The following ARHGAP32 variants were observed in gnomAD, a reference collection of about 807,000 sequenced individuals.
ARHGAP32 encodes Rho GTPase activating protein 32, also known as rho GTPase-activating protein 32.
ARHGAP32 carries 51 observed loss-of-function variants against 186.5 expected under a neutral mutation model. That is an observed-to-expected ratio of 0.27 (90% CI 0.22 to 0.35). The LOEUF (loss-of-function observed/expected upper bound fraction) is 0.35, where lower values mean the gene tolerates loss of function less well. Among genes scored for constraint, ARHGAP32 ranks in the 10% least tolerant of loss-of-function variants. The pLI, the probability that ARHGAP32 is intolerant of heterozygous loss-of-function variation, is 1.00. For missense variants in ARHGAP32, 2,186 were observed against 2,623.5 expected, an observed-to-expected ratio of 0.83 and a Z score of 3.64; for synonymous variants, 950 against 964.3, an observed-to-expected ratio of 0.99 and a Z score of 0.27.
intron 1 of ARHGAP32, among the ~76,000 whole-genome samples, chr11:129,226,546 A>T (rs2082968727): frequency 6.6e-6 from 1 of 152,142 alleles, no homozygotes; most frequent in Non-Finnish European, 1.5e-5. Flanking sequence ...CCATTATGGC[A>T]TTCTTTTCTG....
chr11:129,142,031 A>G (rs1943065654), intron 2 of ARHGAP32, among the ~76,000 whole-genome samples: 1 of 152,196 alleles, frequency 6.6e-6, no homozygotes, highest in Admixed American at 6.5e-5. Context: ...TGGTCAGGAA[A>G]GAACAAGAAT....
At chr11:128,981,744 TAA>T (rs1945711898) in intron 16 of ARHGAP32, 83 bp downstream of exon 16, 1 of 1,241,684 alleles carries the variant, frequency 8.1e-7, no homozygotes, top group South Asian at 1.4e-5. Flanking sequence ...TTTAATCTTT[TAA>T]AAGTTTCCTT....
intron 2 of ARHGAP32, among the ~76,000 whole-genome samples, chr11:129,137,861 A>T (rs2135419566): frequency 6.6e-6 from 1 of 152,166 alleles, no homozygotes; most frequent in South Asian, 2.1e-4. Context: ...TAAAATGAGA[A>T]TTCAATACTA....
At chr11:129,181,284 A>G (rs993601397) in intron 1 of ARHGAP32, among the ~76,000 whole-genome samples, 5 of 152,148 alleles carry the variant, frequency 3.3e-5, no homozygotes, top group Admixed American at 6.6e-5. Flanking sequence ...ACTCTCTATT[A>G]GCAACAGAGA....
chr11:129,062,995 A>G (rs1940561226), intron 9 of ARHGAP32, among the ~76,000 whole-genome samples: 1 of 152,166 alleles, frequency 6.6e-6, no homozygotes, highest in Non-Finnish European at 1.5e-5. Context: ...ATATAAAATC[A>G]TAAATATAAA....
intron 1 of ARHGAP32, among the ~76,000 whole-genome samples, chr11:129,169,631 C>CAAAA (rs35715241): frequency 1.3e-5 from 1 of 75,146 alleles, no homozygotes; most frequent in African/African-American, 5.4e-5. Context: ...GACTCTGTCT[C>CAAAA]AAAAAAAAAA....
intron 1 of ARHGAP32, among the ~76,000 whole-genome samples, chr11:129,272,676 G>T (rs528274859): frequency 6.6e-6 from 1 of 152,256 alleles, no homozygotes; most frequent in South Asian, 2.1e-4. Context: ...GTAACAAAAG[G>T]CATGGATGCT....
chr11:129,193,559 T>C (rs1200264415), upstream of ARHGAP32, among the ~76,000 whole-genome samples: 1 of 14,672 alleles, frequency 6.8e-5, no homozygotes, highest in South Asian at 7.0e-4. Context: ...AATATATATA[T>C]ATTATATATA....
intron 1 of ARHGAP32, among the ~76,000 whole-genome samples, chr11:129,235,910 C>CACACACACAA (rs1555115900): frequency 1.3e-5 from 1 of 76,730 alleles, no homozygotes; most frequent in Non-Finnish European, 3.1e-5. Flanking sequence ...AACACACACA[C>CACACACACAA]ACACACACAC....
intron 1 of ARHGAP32, among the ~76,000 whole-genome samples, chr11:129,254,427 C>A (rs1945228184): frequency 6.6e-6 from 1 of 152,022 alleles, no homozygotes; most frequent in Admixed American, 6.6e-5. Context: ...AATAAGTAAA[C>A]ATGATTTTAA....
chr11:129,086,666 A>G (rs1941410506), intron 6 of ARHGAP32, among the ~76,000 whole-genome samples: 1 of 151,912 alleles, frequency 6.6e-6, no homozygotes. Flanking sequence ...CTAAAAATAC[A>G]AAAAATTAGC....
chr11:129,237,328 T>C (rs1944950067), intron 1 of ARHGAP32, among the ~76,000 whole-genome samples: 2 of 152,146 alleles, frequency 1.3e-5, no homozygotes, highest in Non-Finnish European at 2.9e-5. Context: ...TGTTTATAAC[T>C]CATTCATCAG....
rs1457646599 is a variant in ARHGAP32, at chr11:129,040,965, T to C, written c.1008A>G (p.Lys336=). 1.9e-6 allele frequency: 3 copies of C among 1,606,366 alleles called. No homozygotes were observed. The highest frequency in any genetic ancestry group is 1.3e-5 in the African/African-American group (1 of 74,830). Residue 336 remains lysine (K), a synonymous_variant, in exon 11 of 23, where the codon AAA becomes AAG. Transcript: ENST00000682385. ...CTGAGTTGGTCACTGACTGGGGAAC[T>C]TTTTGGTTAATTAACTCAACACAGT... ...PGHCVELINQ[K]VPQSVTNSVP... is the part of the protein sequence containing the mutation.
At chr11:129,076,294 G>A (rs1321681119) in intron 6 of ARHGAP32, among the ~76,000 whole-genome samples, 1 of 152,180 alleles carries the variant, frequency 6.6e-6, no homozygotes. Context: ...GGCCCATGCT[G>A]TTGCTCTGCC....
chr11:129,013,543 C>T (rs1226783721), intron 11 of ARHGAP32, among the ~76,000 whole-genome samples: 2 of 152,168 alleles, frequency 1.3e-5, no homozygotes, highest in Non-Finnish European at 2.9e-5. Context: ...GACTCCTCTT[C>T]ATTGTGGTAG....
At position 129,123,621 on chromosome 11, in the gene ARHGAP32, T is replaced by C. The variant is rs145651571; in HGVS notation, c.360-91A>G. 71 of 1,179,106 alleles carry C rather than the reference T, an allele frequency of 6.0e-5. No homozygotes were observed. The highest frequency in any genetic ancestry group is 4.4e-4 in the Admixed American group (21 of 47,250). The allele number at this position is 1,179,106 out of a possible 1,614,324, so 73.0% of individuals were successfully genotyped here. A position where few individuals can be genotyped will look rare whatever the true frequency, so the allele number is the denominator to read the frequency against. ...AAAATACAGTGGATTTAAGAGCTCA[T>C]GCAAGCAAAAATATTTCGTAAGCAC... On this transcript the variant is annotated intron_variant, in intron 4 of 22. Coordinates refer to ENST00000682385, the MANE Select transcript of ARHGAP32 (RefSeq NM_001378024.1). This position sits in a 1 kb window ranked among gnomAD's most constrained non-coding sequence, Gnocchi z 4.6.
At chr11:128,992,268 A>G (rs1042962396) in intron 12 of ARHGAP32, among the ~76,000 whole-genome samples, 1 of 152,202 alleles carries the variant, frequency 6.6e-6, no homozygotes, top group Admixed American at 6.5e-5. Flanking sequence ...TGTACCAAAC[A>G]TAATTTTACC....
chr11:129,024,935 T>C (rs1938767704), intron 11 of ARHGAP32, among the ~76,000 whole-genome samples: 2 of 152,228 alleles, frequency 1.3e-5, no homozygotes, highest in African/African-American at 4.8e-5. Context: ...ATACTTCTAC[T>C]AAATAATAAT....
At chr11:129,215,399 T>C (rs764906029) in intron 1 of ARHGAP32, among the ~76,000 whole-genome samples, 35 of 152,188 alleles carry the variant, frequency 2.3e-4, no homozygotes, top group African/African-American at 8.2e-4. Context: ...TAGTTTCCAA[T>C]TGCTGTTGTA....
Sources: gnomAD v4.1 joint callset for allele counts (sites outside exome capture counted in the v4.1 genomes callset) on GRCh38, gnomAD v4.1.1 for gene constraint, Gnocchi (gnomAD v3.1) non-coding constraint, MANE v1.5 for transcripts, NCBI Gene and HGNC (gene_info 2026-07-23, HGNC 2026-07-21) for gene names.